Variants in DIP2C observed in about 807,000 individuals in gnomAD.
DIP2C encodes the protein DIP2 acetate--CoA ligase C (putative).
DIP2C carries 33 observed loss-of-function variants against 192.4 expected under a neutral mutation model. The ratio of observed to expected loss-of-function variants is 0.17; its 90% confidence interval spans 0.13 to 0.23. The LOEUF (loss-of-function observed/expected upper bound fraction) is 0.23, where lower values mean the gene tolerates loss of function less well. DIP2C is among the 10% of genes least tolerant of loss of function. The pLI is 1.00. For missense variants in DIP2C, 1,537 were observed against 2,110.1 expected (o/e 0.73, Z 5.32); for synonymous variants, 979 against 864.1 (o/e 1.13, Z -2.33).
Position 666,756 on chromosome 10 carries a change from C to G in DIP2C, c.85+22738G>C, listed in dbSNP as rs1857126121. The G allele has an allele frequency of 1.3e-5, 2 of 152,466 alleles. No homozygotes were observed. Among genetic ancestry groups the G allele is most frequent in the Admixed American group, 1.3e-4 (2 of 15,278 alleles). The allele number at this position is 152,466 out of a possible 1,614,324, so 9.4% of individuals were successfully genotyped here. A position where few individuals can be genotyped will look rare whatever the true frequency, so the allele number is the denominator to read the frequency against. The stretch of plus-strand genomic sequence containing the variant: ...TGGGCCTGGGGGCTGGTGGAAGGCA[C>G]GTGTGTTGAGGCGTGTACTCAGGGC... On this transcript the variant is annotated intron_variant, in intron 1 of 36. Coordinates refer to ENST00000280886, the MANE Select transcript of DIP2C (RefSeq NM_014974.3). This position sits in a 1 kb window ranked among gnomAD's most constrained non-coding sequence, Gnocchi z 4.1.
chr10:549,814 C>T (rs2130939946), intron 1 of DIP2C, among the ~76,000 whole-genome samples: 1 of 152,260 alleles, frequency 6.6e-6, no homozygotes, highest in African/African-American at 2.4e-5. Flanking sequence ...ACACTAGTCA[C>T]TAATTCACAT....
intron 8 of DIP2C, among the ~76,000 whole-genome samples, chr10:412,476 C>A (rs533656123): frequency 6.6e-6 from 1 of 152,326 alleles, no homozygotes; most frequent in East Asian, 1.9e-4. Flanking sequence ...CTCAATAAAA[C>A]CTATTTCTGA....
intron 1 of DIP2C, among the ~76,000 whole-genome samples, chr10:580,918 ACT>A (rs1023735411): frequency 1.1e-4 from 16 of 152,056 alleles, no homozygotes; most frequent in African/African-American, 3.9e-4. Flanking sequence ...ACGATGAAGC[ACT>A]CCTTAAAAAA....
rs187795198 is a variant in DIP2C at position 582,372 on chromosome 10, T to C, written c.86-95842A>G. Among the ~76,000 whole-genome samples, 13 of 152,234 alleles carry C rather than the reference T, an allele frequency of 8.5e-5. No individual in the cohort carries two copies. The East Asian group carries it at 1.7e-3, about 20-fold the overall frequency. On this transcript the variant is annotated intron_variant, in intron 1 of 36. Coordinates refer to ENST00000280886, the MANE Select transcript of DIP2C (RefSeq NM_014974.3). ...GTAAAAACCCACCGTACACTTAACATAAAACAGAGTCACACCGGGGCAACA... is the reference window on the plus strand; with the variant it reads ...GTAAAAACCCACCGTACACTTAACACAAAACAGAGTCACACCGGGGCAACA...
At chr10:373,862 C>G (rs903935376) in intron 17 of DIP2C, among the ~76,000 whole-genome samples, 5 of 152,256 alleles carry the variant, frequency 3.3e-5, no homozygotes, top group African/African-American at 1.2e-4. Context: ...CCCACATTCT[C>G]AACACCTGTT....
At chr10:627,835 G>A (rs764028028) in intron 1 of DIP2C, among the ~76,000 whole-genome samples, 9 of 152,346 alleles carry the variant, frequency 5.9e-5, no homozygotes, top group Middle Eastern at 3.4e-3. Flanking sequence ...CGTGGTACAC[G>A]TGAAGACGTG....
chr10:421,583 G>A (rs768356375), intron 5 of DIP2C, among the ~76,000 whole-genome samples: 4 of 152,250 alleles, frequency 2.6e-5, no homozygotes, highest in South Asian at 2.1e-4. Flanking sequence ...TCAAGTACAG[G>A]TTATTAATTC....
intron 4 of DIP2C, among the ~76,000 whole-genome samples, chr10:438,487 G>A (rs557933553): frequency 1.4e-5 from 2 of 146,160 alleles, no homozygotes; most frequent in African/African-American, 5.6e-5. Context: ...AAACAAACAG[G>A]ATTAAGCATT....
intron 1 of DIP2C, among the ~76,000 whole-genome samples, chr10:611,385 G>A (rs891649570): frequency 2.6e-5 from 4 of 152,174 alleles, no homozygotes; most frequent in Admixed American, 1.3e-4. Flanking sequence ...AGCGCAGGCC[G>A]CAGGACCAGC....
rs78920394 is a variant in DIP2C, at chr10:439,286, C to T, written c.394+1585G>A. On this transcript the variant is annotated intron_variant, in intron 4 of 36. Transcript: ENST00000280886. Reference sequence around the variant, plus strand: ...TGCCCGCTAGCATTTGCTAGCACGGCGTTCACTCCCTTGCCAACAACCTTG... The same window carrying T: ...TGCCCGCTAGCATTTGCTAGCACGGTGTTCACTCCCTTGCCAACAACCTTG... 9.0e-4 allele frequency among the ~76,000 whole-genome samples: 131 copies of T among 145,702 alleles called. 2 individuals carry two copies. In the South Asian group the frequency reaches 0.015, roughly 17 times the overall value.
chr10:546,277 T>TCTTAAA (rs1554897208), intron 1 of DIP2C, among the ~76,000 whole-genome samples: 2,084 of 109,352 alleles, frequency 0.019, 44 homozygotes, highest in Middle Eastern at 0.025. Context: ...GCAAGACTCT[T>TCTTAAA]AAAAAAAAAA....
chr10:320,636 T>C (rs1956963959), intron 31 of DIP2C, among the ~76,000 whole-genome samples: 1 of 152,192 alleles, frequency 6.6e-6, no homozygotes, highest in Non-Finnish European at 1.5e-5. Flanking sequence ...GCCATGCTCT[T>C]AGCTGAGTGT....
intron 19 of DIP2C, among the ~76,000 whole-genome samples, chr10:366,039 G>C (rs1435403453): frequency 6.6e-6 from 1 of 152,234 alleles, no homozygotes; most frequent in African/African-American, 2.4e-5. Context: ...TAACAAAAAG[G>C]ATCCTTTTTA....
At chr10:527,949 G>A (rs1485168598) in intron 1 of DIP2C, among the ~76,000 whole-genome samples, 3 of 152,150 alleles carry the variant, frequency 2.0e-5, no homozygotes, top group African/African-American at 4.8e-5. Flanking sequence ...ACGTAATTAT[G>A]TAGATTAGGT....
At chr10:606,517 C>A (rs886353363) in intron 1 of DIP2C, among the ~76,000 whole-genome samples, 1 of 150,044 alleles carries the variant, frequency 6.7e-6, no homozygotes, top group Non-Finnish European at 1.5e-5. Flanking sequence ...ATCTCACGGC[C>A]CCGCTGCCGT....
chr10:474,392 T>C (rs1380301930), intron 2 of DIP2C, among the ~76,000 whole-genome samples: 3 of 152,168 alleles, frequency 2.0e-5, no homozygotes, highest in Non-Finnish European at 4.4e-5. Flanking sequence ...GCCAATCCTT[T>C]CACAATTCTC....
At chr10:576,462 C>G (rs1850165343) in intron 1 of DIP2C, among the ~76,000 whole-genome samples, 1 of 152,218 alleles carries the variant, frequency 6.6e-6, no homozygotes, top group South Asian at 2.1e-4. Context: ...ACTTGCCCAT[C>G]CGGCATTCCT....
chr10:493,953 A>G (rs1042522504), intron 1 of DIP2C, among the ~76,000 whole-genome samples: 4 of 152,188 alleles, frequency 2.6e-5, no homozygotes, highest in African/African-American at 7.2e-5. Flanking sequence ...TACAGGAGAC[A>G]CTTCAGATGC....
At chr10:615,439 T>C (rs1440757654) in intron 1 of DIP2C, among the ~76,000 whole-genome samples, 3 of 152,110 alleles carry the variant, frequency 2.0e-5, no homozygotes, top group Non-Finnish European at 4.4e-5. Flanking sequence ...GACGCTAAAT[T>C]TGAACTTTCG....
Sources: gnomAD v4.1 joint callset for allele counts (sites outside exome capture counted in the v4.1 genomes callset) on GRCh38, gnomAD v4.1.1 for gene constraint, Gnocchi (gnomAD v3.1) non-coding constraint, MANE v1.5 for transcripts, NCBI Gene and HGNC (gene_info 2026-07-23, HGNC 2026-07-21) for gene names.